Variants in FA2H observed in about 807,000 individuals in gnomAD.
FA2H encodes the protein fatty acid 2-hydroxylase.
FA2H carries 22 observed loss-of-function variants against 44.9 expected under a neutral mutation model. That is an observed-to-expected ratio of 0.49 (90% CI 0.35 to 0.70). FA2H has a LOEUF of 0.70. FA2H is among the 30% of genes least tolerant of loss of function. The pLI is 0.01. For missense variants in FA2H, 501 were observed against 504.9 expected (o/e 0.99, Z 0.07); for synonymous variants, 243 against 213.2 (o/e 1.14, Z -1.22).
At chr16:74,718,233 C>A (rs1961749374) in intron 5 of FA2H, among the ~76,000 whole-genome samples, 1 of 152,226 alleles carries the variant, frequency 6.6e-6, no homozygotes, top group African/African-American at 2.4e-5. Flanking sequence ...AGGGTCTAAA[C>A]TGGTGTCCCG....
intron 1 of FA2H, among the ~76,000 whole-genome samples, chr16:74,744,239 G>A (rs1030084882): frequency 1.3e-4 from 20 of 152,050 alleles, no homozygotes; most frequent in African/African-American, 4.6e-4. Flanking sequence ...GTGTGTAGAG[G>A]TCATTCCTGG....
chr16:74,736,401 G>C (rs573090841), intron 2 of FA2H, among the ~76,000 whole-genome samples: 182 of 152,326 alleles, frequency 1.2e-3, no homozygotes, highest in African/African-American at 4.3e-3. Context: ...ACAGTGCCAA[G>C]GCTGGTCCCC....
Position 74,714,137 on chromosome 16 carries a change from G to T in FA2H, c.*53C>A, listed in dbSNP as rs1961636959. 1.7e-6 allele frequency: 2 copies of T among 1,155,234 alleles called. No individual in the cohort carries two copies. The highest frequency in any genetic ancestry group is 1.3e-6 in the Non-Finnish European group (1 of 789,156). The allele number at this position is 1,155,234 out of a possible 1,614,324, so 71.6% of individuals were successfully genotyped here. ...AATGGGGTCTGAATGGCGGGTGGGG[G>T]TCGGGAAGGGGCCAGGGCCGGGCTG... is the stretch of plus-strand genomic sequence containing the variant. On this transcript the variant is annotated 3_prime_UTR_variant, in exon 7 of 7. Coordinates refer to ENST00000219368, the MANE Select transcript of FA2H (RefSeq NM_024306.5).
chr16:74,746,325 T>A (rs1201133306), intron 1 of FA2H, among the ~76,000 whole-genome samples: 1 of 152,024 alleles, frequency 6.6e-6, no homozygotes, highest in Non-Finnish European at 1.5e-5. Flanking sequence ...AGTGGTGTGA[T>A]CATGGCTTGC....
At chr16:74,754,222 C>G (rs1962576568) in intron 1 of FA2H, among the ~76,000 whole-genome samples, 1 of 152,094 alleles carries the variant, frequency 6.6e-6, no homozygotes, top group Non-Finnish European at 1.5e-5. Context: ...ATGGCAAAAC[C>G]CTGTCTCTAC....
chr16:74,741,808 A>ATATGTGTGTG (rs1491185782), intron 1 of FA2H, among the ~76,000 whole-genome samples: 43 of 48,390 alleles, frequency 8.9e-4, no homozygotes, highest in South Asian at 3.2e-3. Context: ...ATATATATAT[A>ATATGTGTGTG]TGTGTGTGTG....
At position 74,726,378 on chromosome 16, in the gene FA2H, G is replaced by T; in HGVS notation, c.507-47C>A. On this transcript the variant is annotated intron_variant, in intron 3 of 6. Transcript: ENST00000219368. ...GAGAGAGATACATGCACAGGAGCTT[G>T]ACAGAGTACAGCTTTCTTTTTTTTT... 3.3e-6 allele frequency: 4 copies of T among 1,202,442 alleles called. No individual in the cohort carries two copies. The South Asian group carries it at 3.7e-5, about 11-fold the overall frequency. 74.5% of individuals were successfully genotyped at this position (1,202,442 alleles called of 1,614,324 possible). A position where few individuals can be genotyped will look rare whatever the true frequency, so the allele number is the denominator to read the frequency against.
Position 74,716,369 on chromosome 16 carries a change from G to C in FA2H, c.1017C>G (p.His339Gln). 6.2e-7 allele frequency: 1 copy of C among 1,614,034 alleles called. No individual in the cohort carries two copies. The highest frequency in any genetic ancestry group is 8.5e-7 in the Non-Finnish European group (1 of 1,179,992). The change falls in exon 6 of 7, where the codon CAC (histidine) becomes CAG (glutamine). Residue 339 changes from histidine (H) to glutamine (Q), a missense_variant. By Grantham distance (24) the His-to-Gln change is conservative (BLOSUM62 0). Coordinates refer to ENST00000219368, the MANE Select transcript of FA2H (RefSeq NM_024306.5). ...CACCTGACTTCTGATGTGCAAAGTGGTGCTTGACGTGGTGGGCCTTCAGGC... is the reference window on the plus strand; with the variant it reads ...CACCTGACTTCTGATGTGCAAAGTGCTGCTTGACGTGGTGGGCCTTCAGGC... Reference protein sequence around the residue: ...LYSLKAHHVKHHFAHQKSGFG... With the variant: ...LYSLKAHHVKQHFAHQKSGFG...
chr16:74,758,191 G>A (rs1303879853), intron 1 of FA2H, among the ~76,000 whole-genome samples: 1 of 147,796 alleles, frequency 6.8e-6, no homozygotes, highest in Non-Finnish European at 1.5e-5. Flanking sequence ...TGTGATCTTG[G>A]CTCATTGCAA....
At chr16:74,741,405 T>A (rs898309168) in intron 1 of FA2H, 1 of 152,234 alleles carries the variant, frequency 6.6e-6, no homozygotes, top group African/African-American at 2.4e-5. Context: ...AAAGTCGGCT[T>A]TTGTGGTCCT....
intron 5 of FA2H, chr16:74,716,850 G>A: frequency 1.9e-6 from 1 of 520,422 alleles, no homozygotes; most frequent in South Asian, 2.5e-5. Flanking sequence ...GGGCGGGATG[G>A]GCAGGATGGG....
At chr16:74,748,088 G>C (rs1040147669) in intron 1 of FA2H, among the ~76,000 whole-genome samples, 2 of 152,030 alleles carry the variant, frequency 1.3e-5, no homozygotes, top group East Asian at 1.9e-4. Context: ...AGATGGCCCC[G>C]GGGGGACAGG....
At position 74,733,987 on chromosome 16, in the gene FA2H, G is replaced by A. The variant is rs540006802; in HGVS notation, c.363+6036C>T. ...AAGCAGGGAAGGCCCCCTTCTACCT[G>A]GGCACCACGCCCTTCCACCCACCCT... On this transcript the variant is annotated intron_variant, in intron 2 of 6. Coordinates refer to ENST00000219368, the MANE Select transcript of FA2H (RefSeq NM_024306.5). Among the ~76,000 whole-genome samples the A allele has an allele frequency of 6.6e-5, 10 of 152,294 alleles. No homozygotes were observed. In the East Asian group the frequency reaches 1.9e-3, roughly 29 times the overall value.
intron 3 of FA2H, 26 bp from the exon 4 acceptor site, chr16:74,726,357 G>C: frequency 7.1e-7 from 1 of 1,413,214 alleles, no homozygotes; most frequent in South Asian, 1.2e-5. Flanking sequence ...CAGGGTGAGA[G>C]AGATACATGC....
At chr16:74,744,602 C>T (rs972646246) in intron 1 of FA2H, among the ~76,000 whole-genome samples, 1 of 151,976 alleles carries the variant, frequency 6.6e-6, no homozygotes, top group African/African-American at 2.4e-5. Flanking sequence ...TGGGTGTTCA[C>T]CATCATGCCC....
rs202048141 is a variant in FA2H at position 74,716,481 on chromosome 16, G to A, written c.905C>T (p.Ala302Val). The A allele has an allele frequency of 1.9e-5, 30 of 1,613,810 alleles. 1 individual carries two copies. The Middle Eastern group carries it at 6.6e-4, about 35-fold the overall frequency. Reference sequence around the variant, plus strand: ...GAGGACGTAGCCCAGGAGGCCCCCCGCAAACACAGTGCCCCCTACTGCCTC... The same window carrying A: ...GAGGACGTAGCCCAGGAGGCCCCCCACAAACACAGTGCCCCCTACTGCCTC... ...LPEAVGGTVFAGGLLGYVLYD... is the reference protein window; with the variant it reads ...LPEAVGGTVFVGGLLGYVLYD... The change falls in exon 6 of 7, where the codon GCG becomes GTG. Residue 302 changes from alanine (A) to valine (V), a missense_variant. Coordinates refer to ENST00000219368, the MANE Select transcript of FA2H (RefSeq NM_024306.5).
intron 4 of FA2H, among the ~76,000 whole-genome samples, chr16:74,724,668 A>G (rs1193177610): frequency 6.6e-6 from 1 of 152,008 alleles, no homozygotes; most frequent in African/African-American, 2.4e-5. Flanking sequence ...GTTATCTCTC[A>G]TGCCCCCATC....
intron 1 of FA2H, among the ~76,000 whole-genome samples, chr16:74,749,291 C>T (rs1253391712): frequency 6.6e-6 from 1 of 152,210 alleles, no homozygotes; most frequent in Non-Finnish European, 1.5e-5. Flanking sequence ...GAGCTGAGCT[C>T]TGGATGCCTG....
intron 2 of FA2H, among the ~76,000 whole-genome samples, chr16:74,734,018 A>G (rs1962131858): frequency 6.6e-6 from 1 of 151,970 alleles, no homozygotes; most frequent in Non-Finnish European, 1.5e-5. Context: ...ACCCTCTTCT[A>G]CCTGACCGAA....
Sources: allele counts gnomAD v4.1 joint callset (sites outside exome capture counted in the v4.1 genomes callset), GRCh38; gene constraint gnomAD v4.1.1; transcripts MANE v1.5; gene names NCBI Gene and HGNC (gene_info 2026-07-23, HGNC 2026-07-21).